HIVEP2: variants seen among roughly 807,000 people sequenced by gnomAD.
HIVEP2 encodes transcription factor HIVEP2.
In HIVEP2, 14 loss-of-function variants were observed where a neutral mutation model predicts 180.7. The observed-to-expected ratio is 0.08, with a 90% CI of 0.05 to 0.12. The LOEUF (loss-of-function observed/expected upper bound fraction) is 0.12, where lower values mean the gene tolerates loss of function less well. Ranked by LOEUF, HIVEP2 falls within the 10% of genes least tolerant of loss-of-function variation. The pLI is 1.00. For missense variants in HIVEP2, 2,579 were observed against 3,008.5 expected, an observed-to-expected ratio of 0.86 and a Z score of 3.34; for synonymous variants, 1,184 against 1,136.4, an observed-to-expected ratio of 1.04 and a Z score of -0.84.
intron 6 of HIVEP2, 91 bp downstream of exon 6, chr6:142,768,291 A>C: frequency 8.2e-7 from 1 of 1,213,212 alleles, no homozygotes; most frequent in Non-Finnish European, 1.1e-6. Flanking sequence ...GCTTTCAACC[A>C]GATTAGACAG....
At chr6:142,815,990 T>G (rs1404927009) in intron 2 of HIVEP2, among the ~76,000 whole-genome samples, 1 of 152,216 alleles carries the variant, frequency 6.6e-6, no homozygotes, top group African/African-American at 2.4e-5. Flanking sequence ...AGAGGATTTT[T>G]TTTTACACTA....
At chr6:142,861,285 T>C (rs374021866) in intron 1 of HIVEP2, among the ~76,000 whole-genome samples, 7 of 152,354 alleles carry the variant, frequency 4.6e-5, no homozygotes, top group African/African-American at 1.7e-4. Context: ...TCAATTGGAA[T>C]GGCCTTCCCC....
intron 2 of HIVEP2, among the ~76,000 whole-genome samples, chr6:142,826,023 G>T (rs1774890897): frequency 6.6e-6 from 1 of 152,026 alleles, no homozygotes; most frequent in Non-Finnish European, 1.5e-5. Flanking sequence ...CCACTAGTTT[G>T]CTTCTATATT....
At chr6:142,788,364 G>A (rs1167027076) in intron 2 of HIVEP2, 1 of 151,906 alleles carries the variant, frequency 6.6e-6, no homozygotes, top group African/African-American at 2.4e-5. Flanking sequence ...CGATATGCCA[G>A]AAATGGGCTG....
chr6:142,830,245 A>C (rs1397067782), intron 2 of HIVEP2, among the ~76,000 whole-genome samples: 7 of 152,178 alleles, frequency 4.6e-5, no homozygotes, highest in African/African-American at 1.7e-4. Context: ...GACTGCCTCA[A>C]TCAATGAAAC....
chr6:142,874,288 T>C (rs1776370095), intron 1 of HIVEP2, among the ~76,000 whole-genome samples: 2 of 152,216 alleles, frequency 1.3e-5, no homozygotes, highest in African/African-American at 2.4e-5. Context: ...CTTACAAATG[T>C]TTTCAAAACA....
intron 2 of HIVEP2, among the ~76,000 whole-genome samples, chr6:142,785,143 C>T (rs1333507189): frequency 6.6e-6 from 1 of 151,808 alleles, no homozygotes; most frequent in Non-Finnish European, 1.5e-5. Flanking sequence ...CCTGCCTTGG[C>T]CTCCCAAAGT....
chr6:142,895,175 TC>T (rs1242683529), intron 1 of HIVEP2, among the ~76,000 whole-genome samples: 3 of 152,172 alleles, frequency 2.0e-5, no homozygotes, highest in Non-Finnish European at 4.4e-5. Flanking sequence ...TTGAACAGTA[TC>T]TTGATATGTT....
At chr6:142,927,492 G>A (rs552230121) in intron 1 of HIVEP2, among the ~76,000 whole-genome samples, 1 of 152,248 alleles carries the variant, frequency 6.6e-6, no homozygotes, top group Admixed American at 6.5e-5. Context: ...GCTCCAGTAA[G>A]GTGAAAGTAG....
At chr6:142,861,073 C>A (rs185855229) in intron 1 of HIVEP2, among the ~76,000 whole-genome samples, 242 of 152,258 alleles carry the variant, frequency 1.6e-3, no homozygotes, top group African/African-American at 5.6e-3. Context: ...CATCAGATAG[C>A]AGAAACATCA....
chr6:142,787,688 T>C (rs1056689157), intron 2 of HIVEP2, among the ~76,000 whole-genome samples: 4 of 151,138 alleles, frequency 2.6e-5, no homozygotes, highest in African/African-American at 9.7e-5. Context: ...ACAACACACA[T>C]ACACACACAC....
intron 2 of HIVEP2, among the ~76,000 whole-genome samples, chr6:142,807,861 G>A (rs925953543): frequency 3.3e-5 from 5 of 152,168 alleles, no homozygotes; most frequent in South Asian, 2.1e-4. Flanking sequence ...GGGTCAAGTC[G>A]TAGGCAAAAG....
chr6:142,760,830 T>C (rs1279543525), intron 8 of HIVEP2, among the ~76,000 whole-genome samples, 163 bp from the exon 9 acceptor site: 1 of 152,244 alleles, frequency 6.6e-6, no homozygotes, highest in Non-Finnish European at 1.5e-5. Flanking sequence ...TGTGTGACCC[T>C]GCGTTCATTC....
intron 1 of HIVEP2, among the ~76,000 whole-genome samples, chr6:142,849,342 A>C (rs1196009826): frequency 6.6e-6 from 1 of 152,164 alleles, no homozygotes; most frequent in Non-Finnish European, 1.5e-5. Flanking sequence ...CTGAAAGGAA[A>C]TATATTCGGT....
chr6:142,911,670 A>G (rs926908049), intron 1 of HIVEP2, among the ~76,000 whole-genome samples: 6 of 152,162 alleles, frequency 3.9e-5, no homozygotes, highest in African/African-American at 1.4e-4. Context: ...TCCCAGGAGA[A>G]GGATCATTAA....
At chr6:142,817,313 C>G (rs969446193) in intron 2 of HIVEP2, among the ~76,000 whole-genome samples, 1 of 152,212 alleles carries the variant, frequency 6.6e-6, no homozygotes, top group African/African-American at 2.4e-5. Flanking sequence ...AACACACTTT[C>G]AGTTCTAGGC....
chr6:142,888,066 T>C (rs1394253213), intron 1 of HIVEP2, among the ~76,000 whole-genome samples: 1 of 152,170 alleles, frequency 6.6e-6, no homozygotes, highest in African/African-American at 2.4e-5. Flanking sequence ...TCATTTTACA[T>C]GTTTTAACTA....
intron 1 of HIVEP2, among the ~76,000 whole-genome samples, chr6:142,933,433 C>A (rs1484174887): frequency 6.6e-6 from 1 of 152,140 alleles, no homozygotes; most frequent in East Asian, 1.9e-4. Context: ...GGCTTCAAAG[C>A]AATGGGAATT....
intron 1 of HIVEP2, among the ~76,000 whole-genome samples, chr6:142,892,975 CG>C (rs1776896803): frequency 6.6e-6 from 1 of 152,312 alleles, no homozygotes; most frequent in East Asian, 1.9e-4. Context: ...AGTTACATGA[CG>C]GATGGGTGCA....
Sources: allele counts gnomAD v4.1 joint callset (sites outside exome capture counted in the v4.1 genomes callset), GRCh38; gene constraint gnomAD v4.1.1; transcripts MANE v1.5; gene names NCBI Gene and HGNC (gene_info 2026-07-23, HGNC 2026-07-21).